UBQLN1: variants seen among roughly 807,000 people sequenced by gnomAD.
UBQLN1 encodes the protein ubiquilin-1.
In UBQLN1, 13 loss-of-function variants were observed where a neutral mutation model predicts 65.4. The ratio of observed to expected loss-of-function variants is 0.20; its 90% confidence interval spans 0.13 to 0.32. UBQLN1 has a LOEUF of 0.32. Ranked by LOEUF, UBQLN1 falls within the 10% of genes least tolerant of loss-of-function variation. UBQLN1 has a pLI of 1.00. For synonymous variants in UBQLN1, 267 were observed against 247.8 expected, an observed-to-expected ratio of 1.08 and a Z score of -0.73; for missense variants, 561 against 724.0, an observed-to-expected ratio of 0.77 and a Z score of 2.58.
Position 83,666,561 on chromosome 9 carries a change from A to G in UBQLN1, c.1249-128T>C, listed in dbSNP as rs114417765. 686 of 820,428 alleles carry G rather than the reference A, an allele frequency of 8.4e-4. 6 individuals carry two copies. In the African/African-American group the frequency reaches 0.01, roughly 12 times the overall value. 50.8% of individuals were successfully genotyped at this position (820,428 alleles called of 1,614,324 possible). A position where few individuals can be genotyped will look rare whatever the true frequency, so the allele number is the denominator to read the frequency against. On this transcript the variant is annotated intron_variant, in intron 7 of 10. Transcript: ENST00000376395. Reference sequence around the variant, plus strand: ...AAGGGAGGAAGGTAGAACATAAATAAAAAAAGGAAAAGGGAAGATACTGTC... The same window carrying G: ...AAGGGAGGAAGGTAGAACATAAATAGAAAAAGGAAAAGGGAAGATACTGTC...
intron 6 of UBQLN1, among the ~76,000 whole-genome samples, chr9:83,674,198 A>T (rs1364272486): frequency 2.0e-5 from 3 of 151,930 alleles, no homozygotes; most frequent in African/African-American, 7.3e-5. Flanking sequence ...AAAAAAAAAA[A>T]TAACCAGTAT....
chr9:83,699,278 A>C (rs1832272409), intron 1 of UBQLN1, among the ~76,000 whole-genome samples: 1 of 152,224 alleles, frequency 6.6e-6, no homozygotes, highest in African/African-American at 2.4e-5. Flanking sequence ...CACTATTGAA[A>C]AATTGACTTC....
intron 1 of UBQLN1, 27 bp from the exon 2 acceptor site, chr9:83,686,182 T>G: frequency 6.9e-7 from 1 of 1,453,490 alleles, no homozygotes; most frequent in Non-Finnish European, 9.3e-7. Flanking sequence ...TAAGTATGTA[T>G]TACAGTTGTT....
At chr9:83,682,014 G>A (rs1831947981) in intron 3 of UBQLN1, among the ~76,000 whole-genome samples, 1 of 152,184 alleles carries the variant, frequency 6.6e-6, no homozygotes, top group African/African-American at 2.4e-5. Context: ...AAGCCACTGA[G>A]TTTGGCTATC....
At chr9:83,681,866 A>G (rs1056202481) in intron 3 of UBQLN1, among the ~76,000 whole-genome samples, 1 of 152,224 alleles carries the variant, frequency 6.6e-6, no homozygotes, top group Admixed American at 6.5e-5. Flanking sequence ...TCCAAATGGT[A>G]GAGCTATAAT....
At chr9:83,705,640 TAA>T (rs1430955050) in intron 1 of UBQLN1, among the ~76,000 whole-genome samples, 5 of 152,256 alleles carry the variant, frequency 3.3e-5, no homozygotes, top group African/African-American at 1.2e-4. Context: ...CCATGAAAGA[TAA>T]AAGAGTAAGA....
chr9:83,681,397 T>C (rs912526700), intron 3 of UBQLN1, among the ~76,000 whole-genome samples: 1 of 152,188 alleles, frequency 6.6e-6, no homozygotes. Context: ...GAACTCAATC[T>C]AGTAGGAAAG....
chr9:83,690,366 G>A (rs572746199), intron 1 of UBQLN1, among the ~76,000 whole-genome samples: 22 of 152,064 alleles, frequency 1.4e-4, no homozygotes, highest in South Asian at 4.2e-4. Context: ...GAGTTTTTTC[G>A]TTTTTTTAAG....
chr9:83,688,411 G>A (rs1179651684), intron 1 of UBQLN1, among the ~76,000 whole-genome samples: 2 of 151,976 alleles, frequency 1.3e-5, no homozygotes, highest in Non-Finnish European at 2.9e-5. Context: ...AAAATGAGAG[G>A]GTAAAACTAG....
chr9:83,702,083 C>T (rs535549871), intron 1 of UBQLN1, among the ~76,000 whole-genome samples: 65 of 152,150 alleles, frequency 4.3e-4, no homozygotes, highest in Non-Finnish European at 7.9e-4. Flanking sequence ...ATTCCACTTA[C>T]AACAAACGCC....
intron 10 of UBQLN1, among the ~76,000 whole-genome samples, chr9:83,662,262 A>G (rs1831570926): frequency 1.0e-5 from 1 of 96,592 alleles, no homozygotes; most frequent in Admixed American, 1.2e-4. Context: ...GTGTGTATAT[A>G]CATATACATA....
chr9:83,692,178 T>A (rs984723444), intron 1 of UBQLN1, among the ~76,000 whole-genome samples: 1 of 152,246 alleles, frequency 6.6e-6, no homozygotes, highest in African/African-American at 2.4e-5. Flanking sequence ...GGTACACTTT[T>A]CCGAATAAAC....
chr9:83,683,064 G>C lies in UBQLN1; in HGVS notation c.335C>G (p.Pro112Arg). Residue 112 changes from proline (P) to arginine (R), a missense_variant and splice_region_variant, in exon 3 of 11, where the codon CCT (proline) becomes CGT (arginine). Pro to Arg is a moderately radical substitution (Grantham distance 103, BLOSUM62 -2). Transcript: ENST00000376395. ...TGTTTGCTGAGCTGAATGATCCTGAGGCCTAGGGAAAATAATTAATCACAG... is the reference window on the plus strand; with the variant it reads ...TGTTTGCTGAGCTGAATGATCCTGACGCCTAGGGAAAATAATTAATCACAG... Reference protein sequence around the residue: ...VHLVIKTQNRPQDHSAQQTNT... With the variant: ...VHLVIKTQNRRQDHSAQQTNT... 1.2e-6 allele frequency: 2 copies of C among 1,604,126 alleles called. No homozygotes were observed. Among genetic ancestry groups the C allele is most frequent in the Non-Finnish European group, 1.7e-6 (2 of 1,173,502 alleles).
At chr9:83,672,906 G>T (rs960113827) in intron 6 of UBQLN1, among the ~76,000 whole-genome samples, 1 of 152,222 alleles carries the variant, frequency 6.6e-6, no homozygotes, top group Non-Finnish European at 1.5e-5. Context: ...CCTACAACAT[G>T]TTTCTGCTAA....
intron 2 of UBQLN1, among the ~76,000 whole-genome samples, chr9:83,684,377 T>C (rs1260254664): frequency 6.6e-6 from 1 of 151,866 alleles, no homozygotes; most frequent in Non-Finnish European, 1.5e-5. Context: ...GTATTTTTAG[T>C]AGAGACAGCG....
At chr9:83,675,404 T>C (rs916537395) in intron 6 of UBQLN1, among the ~76,000 whole-genome samples, 2 of 152,174 alleles carry the variant, frequency 1.3e-5, no homozygotes, top group South Asian at 2.1e-4. Context: ...TAAAGTCATT[T>C]TGACAACTAA....
At chr9:83,669,004 A>T (rs1359427464) in intron 7 of UBQLN1, 181 bp downstream of exon 7, 2 of 651,232 alleles carry the variant, frequency 3.1e-6, no homozygotes, top group South Asian at 2.7e-5. Flanking sequence ...TTTTAATTAC[A>T]TATGAAGTAT....
chr9:83,675,520 A>G (rs1028682564), intron 6 of UBQLN1, among the ~76,000 whole-genome samples: 1 of 152,176 alleles, frequency 6.6e-6, no homozygotes, highest in Non-Finnish European at 1.5e-5. Flanking sequence ...ACAAATTTGC[A>G]GATTTACTTT....
At chr9:83,674,110 G>C (rs959470018) in intron 6 of UBQLN1, among the ~76,000 whole-genome samples, 1 of 151,552 alleles carries the variant, frequency 6.6e-6, no homozygotes, top group Non-Finnish European at 1.5e-5. Flanking sequence ...GGCCTCCTTC[G>C]TACTGTTGTT....
Sources: allele counts gnomAD v4.1 joint callset (sites outside exome capture counted in the v4.1 genomes callset), GRCh38; gene constraint gnomAD v4.1.1; transcripts MANE v1.5; gene names NCBI Gene and HGNC (gene_info 2026-07-23, HGNC 2026-07-21).